FAM168A: variants seen among roughly 807,000 people sequenced by gnomAD.
The protein encoded by FAM168A is family with sequence similarity 168 member A.
FAM168A carries 3 observed loss-of-function variants against 28.5 expected under a neutral mutation model. The ratio of observed to expected loss-of-function variants is 0.11; its 90% CI spans 0.05 to 0.27. The LOEUF is 0.27. Among genes scored for constraint, FAM168A ranks in the 10% least tolerant of loss-of-function variants. The pLI, the probability that FAM168A is intolerant of heterozygous loss-of-function variation, is 1.00. For synonymous variants in FAM168A, 122 were observed against 124.2 expected (o/e 0.98, Z 0.12); for missense variants, 222 against 311.5 (o/e 0.71, Z 2.16).
chr11:73,430,357 G>A, intron 3 of FAM168A: 2 of 316,052 alleles, frequency 6.3e-6, no homozygotes, highest in Non-Finnish European at 1.2e-5. Flanking sequence ...TGTCCCAATG[G>A]CAGCCTCAGG....
At chr11:73,587,172 A>ACTG (rs1944323841) in intron 1 of FAM168A, among the ~76,000 whole-genome samples, 2 of 150,036 alleles carry the variant, frequency 1.3e-5, no homozygotes, top group Middle Eastern at 3.2e-3. Context: ...AAAAAAAAAA[A>ACTG]AAAAAACTAA....
intron 1 of FAM168A, among the ~76,000 whole-genome samples, chr11:73,574,655 C>T (rs1237377142): frequency 6.6e-6 from 1 of 151,800 alleles, no homozygotes; most frequent in East Asian, 1.9e-4. Context: ...CTCTGCCTTC[C>T]AGGTTCAAGT....
chr11:73,580,532 A>C, intron 1 of FAM168A: 2 of 588,668 alleles, frequency 3.4e-6, no homozygotes, highest in East Asian at 8.4e-5. Context: ...AAGTGTGTGC[A>C]TTTTTAATAA....
At chr11:73,457,386 T>A (rs2134556917) in intron 2 of FAM168A, among the ~76,000 whole-genome samples, 1 of 148,476 alleles carries the variant, frequency 6.7e-6, no homozygotes, top group East Asian at 2.0e-4. Flanking sequence ...TGAAACTCCA[T>A]CTCGTTTAAA....
intron 1 of FAM168A, among the ~76,000 whole-genome samples, chr11:73,574,846 G>A (rs1216921053): frequency 6.6e-6 from 1 of 150,864 alleles, no homozygotes; most frequent in Non-Finnish European, 1.5e-5. Context: ...TTACAGGTGT[G>A]AGCCACCGTG....
chr11:73,464,746 G>A (rs751262343), intron 2 of FAM168A, among the ~76,000 whole-genome samples: 5 of 152,190 alleles, frequency 3.3e-5, no homozygotes, highest in South Asian at 2.1e-4. Context: ...CTGTTCTCCC[G>A]TTTTAGAATT....
intron 1 of FAM168A, chr11:73,510,818 T>A (rs899249345): frequency 8.2e-6 from 3 of 367,406 alleles, no homozygotes; most frequent in African/African-American, 6.3e-5. Flanking sequence ...GGAATGGACG[T>A]AGACAGATAA....
rs955933396 is a variant in FAM168A at position 73,419,745 on chromosome 11, G to A, written c.277+129C>T. 14 of 1,184,072 alleles carry A rather than the reference G, an allele frequency of 1.2e-5. No homozygotes were observed. The African/African-American group carries it at 2.0e-4, about 17-fold the overall frequency. The allele number at this position is 1,184,072 out of a possible 1,614,324, so 73.3% of individuals were successfully genotyped here. A position where few individuals can be genotyped will look rare whatever the true frequency, so the allele number is the denominator to read the frequency against. On this transcript the variant is annotated intron_variant, in intron 4 of 7. Transcript: ENST00000356467. ...ATAAGGAGGGGTAATTTTTTGCCTG[G>A]GTAAAAGAACCTCTTAAAACATTAT...
intron 3 of FAM168A, among the ~76,000 whole-genome samples, chr11:73,422,864 G>T (rs1384002128): frequency 6.6e-6 from 1 of 152,218 alleles, no homozygotes; most frequent in East Asian, 1.9e-4. Flanking sequence ...ACATCCAGGT[G>T]CTGGGTTGTT....
chr11:73,558,125 A>G (rs1467744297), intron 1 of FAM168A, among the ~76,000 whole-genome samples: 1 of 152,176 alleles, frequency 6.6e-6, no homozygotes, highest in African/African-American at 2.4e-5. Context: ...TAAGCAATCA[A>G]AGAAAAAATA....
intron 1 of FAM168A, among the ~76,000 whole-genome samples, chr11:73,522,321 T>TTTTG (rs776123027): frequency 6.6e-6 from 1 of 152,068 alleles, no homozygotes; most frequent in Non-Finnish European, 1.5e-5. Flanking sequence ...TCTGGGTTTT[T>TTTTG]TTTGTTTGTT....
intron 6 of FAM168A, among the ~76,000 whole-genome samples, chr11:73,408,516 A>G (rs1027973584): frequency 1.6e-4 from 25 of 152,240 alleles, no homozygotes; most frequent in South Asian, 4.1e-4. Context: ...ATAATGGCTT[A>G]TATCTGTTAC....
chr11:73,529,564 T>C (rs1010780243), intron 1 of FAM168A, among the ~76,000 whole-genome samples: 4 of 152,160 alleles, frequency 2.6e-5, no homozygotes, highest in African/African-American at 9.7e-5. Flanking sequence ...AACAATAGAA[T>C]GTTCTCCTTA....
intron 1 of FAM168A, among the ~76,000 whole-genome samples, chr11:73,570,658 T>C (rs932874987): frequency 1.3e-5 from 2 of 148,648 alleles, no homozygotes; most frequent in Non-Finnish European, 3.0e-5. Context: ...CACTGGAGCC[T>C]GGGAAGCTGA....
At chr11:73,563,823 G>A (rs767708533) in intron 1 of FAM168A, among the ~76,000 whole-genome samples, 9 of 152,226 alleles carry the variant, frequency 5.9e-5, no homozygotes, top group Non-Finnish European at 1.3e-4. Context: ...AAGTGCAGAA[G>A]AGAAATAGAT....
chr11:73,554,051 T>C (rs534422121), intron 1 of FAM168A, among the ~76,000 whole-genome samples: 1 of 151,416 alleles, frequency 6.6e-6, no homozygotes, highest in South Asian at 2.1e-4. Flanking sequence ...AATTACCCTA[T>C]TCCTATTTAT....
chr11:73,432,648 T>C (rs1018067214), intron 2 of FAM168A, among the ~76,000 whole-genome samples: 1 of 152,088 alleles, frequency 6.6e-6, no homozygotes, highest in African/African-American at 2.4e-5. Context: ...GCGCGGTGGC[T>C]CATGCCTGTA....
intron 1 of FAM168A, among the ~76,000 whole-genome samples, chr11:73,535,717 C>A (rs1330190186): frequency 1.6e-5 from 2 of 123,416 alleles, no homozygotes; most frequent in Non-Finnish European, 3.3e-5. Context: ...CCGCACCTCA[C>A]CCTTCTTTTT....
At chr11:73,505,537 T>C (rs934592026) in intron 1 of FAM168A, among the ~76,000 whole-genome samples, 3 of 151,984 alleles carry the variant, frequency 2.0e-5, no homozygotes, top group African/African-American at 2.4e-5. Context: ...AATTAGCAAA[T>C]AGCAAAAAGT....
Sources: allele counts gnomAD v4.1 joint callset (sites outside exome capture counted in the v4.1 genomes callset), GRCh38; gene constraint gnomAD v4.1.1; transcripts MANE v1.5; gene names NCBI Gene and HGNC (gene_info 2026-07-23, HGNC 2026-07-21).